Variants in GPC6 observed in about 807,000 individuals in gnomAD.
The protein encoded by GPC6 is glypican 6.
GPC6 carries 14 observed loss-of-function variants against 55.2 expected under a neutral mutation model. The observed-to-expected ratio is 0.25, with a 90% confidence interval of 0.17 to 0.40. GPC6 has a LOEUF of 0.40. Ranked by LOEUF, GPC6 falls within the 10% of genes least tolerant of loss-of-function variation. The pLI is 1.00. For synonymous variants in GPC6, 278 were observed against 259.6 expected (o/e 1.07, Z -0.68); for missense variants, 641 against 708.5 (o/e 0.90, Z 1.08).
intron 1 of GPC6, among the ~76,000 whole-genome samples, chr13:93,431,987 C>G (rs1038194740): frequency 6.6e-6 from 1 of 152,112 alleles, no homozygotes; most frequent in African/African-American, 2.4e-5. Context: ...GTCCAGAGTT[C>G]TTTCATCTGA....
At chr13:93,683,696 A>G (rs940361368) in intron 2 of GPC6, among the ~76,000 whole-genome samples, 8 of 152,254 alleles carry the variant, frequency 5.3e-5, no homozygotes, top group African/African-American at 1.9e-4. Context: ...TTTCAAACAG[A>G]ATTGTGTCTT....
At chr13:93,632,051 A>G (rs938875831) in intron 2 of GPC6, among the ~76,000 whole-genome samples, 2 of 152,212 alleles carry the variant, frequency 1.3e-5, no homozygotes, top group African/African-American at 4.8e-5. Flanking sequence ...TTGAAAACTG[A>G]CATAGCATTT....
At chr13:93,862,025 A>C (rs1888829219) in intron 3 of GPC6, among the ~76,000 whole-genome samples, 1 of 151,536 alleles carries the variant, frequency 6.6e-6, no homozygotes. Context: ...CCCTCTCTCT[A>C]TCAGTGTTAT....
intron 3 of GPC6, among the ~76,000 whole-genome samples, chr13:93,859,579 C>T (rs1356477627): frequency 6.6e-6 from 1 of 151,614 alleles, no homozygotes; most frequent in Non-Finnish European, 1.5e-5. Context: ...TAGTAGTTAC[C>T]ATTGTCTATC....
intron 3 of GPC6, among the ~76,000 whole-genome samples, chr13:93,953,838 G>A (rs1459466799): frequency 6.6e-6 from 1 of 152,132 alleles, no homozygotes; most frequent in African/African-American, 2.4e-5. Context: ...AGTTCCACCT[G>A]TATAATATTG....
At chr13:93,218,706 TA>T in the GPC6 span, among the ~76,000 whole-genome samples, 1 of 152,222 alleles carries the variant, frequency 6.6e-6, no homozygotes, top group Non-Finnish European at 1.5e-5. Context: ...TGTCTGGCCA[TA>T]TGGCAGAGTT....
chr13:93,223,655 C>G (rs1288846282), upstream of GPC6, among the ~76,000 whole-genome samples: 1 of 151,888 alleles, frequency 6.6e-6, no homozygotes, highest in African/African-American at 2.4e-5. Flanking sequence ...TGTTGGCTAG[C>G]CTGGTCTCTA....
chr13:93,670,072 G>A (rs1421029728), intron 2 of GPC6, among the ~76,000 whole-genome samples: 1 of 152,148 alleles, frequency 6.6e-6, no homozygotes, highest in Non-Finnish European at 1.5e-5. Context: ...ACCAACAGGT[G>A]ATCCATTAAG....
chr13:93,502,706 G>A (rs966945697), intron 1 of GPC6, among the ~76,000 whole-genome samples: 2 of 152,018 alleles, frequency 1.3e-5, no homozygotes, highest in Non-Finnish European at 2.9e-5. Context: ...TTATTATCAT[G>A]CTTTCTGCTT....
chr13:93,721,117 T>C (rs1295744430), intron 2 of GPC6, among the ~76,000 whole-genome samples: 3 of 152,014 alleles, frequency 2.0e-5, no homozygotes, highest in Admixed American at 1.3e-4. Context: ...CTGAATATCC[T>C]TGCTAATTTT....
intron 1 of GPC6, among the ~76,000 whole-genome samples, chr13:93,302,767 C>T (rs946739102): frequency 2.0e-5 from 3 of 152,120 alleles, no homozygotes; most frequent in African/African-American, 7.2e-5. Context: ...GGAGTCAAGG[C>T]ATAGCATTTG....
At chr13:93,526,485 G>A (rs1006101865) in intron 1 of GPC6, among the ~76,000 whole-genome samples, 1 of 151,916 alleles carries the variant, frequency 6.6e-6, no homozygotes, top group African/African-American at 2.4e-5. Flanking sequence ...TTATAAATTG[G>A]GTTAAATGCT....
chr13:93,567,563 T>A (rs1477751134), intron 2 of GPC6, among the ~76,000 whole-genome samples: 1 of 152,036 alleles, frequency 6.6e-6, no homozygotes, highest in Admixed American at 6.6e-5. Flanking sequence ...GACCTCATGA[T>A]CTGCCCGCCT....
chr13:94,011,172 A>G (rs1490867892), intron 3 of GPC6, among the ~76,000 whole-genome samples: 2 of 152,248 alleles, frequency 1.3e-5, no homozygotes, highest in South Asian at 4.1e-4. Context: ...AAATTTTAGC[A>G]AAGTTGGAGG....
chr13:93,623,459 T>TCTTTTC (rs76270716), intron 2 of GPC6, among the ~76,000 whole-genome samples: 2 of 124,898 alleles, frequency 1.6e-5, no homozygotes, highest in Admixed American at 7.8e-5. Context: ...TCTTTTCTTT[T>TCTTTTC]TTTTTTTTTT....
chr13:93,495,738 T>C (rs1880238295), intron 1 of GPC6, among the ~76,000 whole-genome samples: 1 of 135,794 alleles, frequency 7.4e-6, no homozygotes, highest in Non-Finnish European at 1.6e-5. Context: ...GTATTCCTTC[T>C]AACAGACAGG....
chr13:94,346,137 C>G (rs1382344843), intron 6 of GPC6, among the ~76,000 whole-genome samples: 2 of 152,192 alleles, frequency 1.3e-5, no homozygotes, highest in Non-Finnish European at 2.9e-5. Flanking sequence ...TAAGATCCCA[C>G]TTTATTCTGG....
intron 3 of GPC6, among the ~76,000 whole-genome samples, chr13:94,016,728 G>A (rs1882479834): frequency 6.6e-6 from 1 of 152,120 alleles, no homozygotes; most frequent in Non-Finnish European, 1.5e-5. Context: ...CATTGAATTA[G>A]GTCATTTGTA....
At chr13:93,881,403 T>C (rs2140310152) in intron 3 of GPC6, among the ~76,000 whole-genome samples, 1 of 152,234 alleles carries the variant, frequency 6.6e-6, no homozygotes, top group East Asian at 1.9e-4. Context: ...TCTAGGCACA[T>C]TGGTAACAAA....
Sources: allele counts gnomAD v4.1 joint callset (sites outside exome capture counted in the v4.1 genomes callset), GRCh38; gene constraint gnomAD v4.1.1; transcripts MANE v1.5; gene names NCBI Gene and HGNC (gene_info 2026-07-23, HGNC 2026-07-21).